Variants in TFRC observed in about 807,000 individuals in gnomAD.
TFRC encodes transferrin receptor protein 1.
Under a neutral mutation model 85.8 loss-of-function variants are expected in TFRC, and 35 were observed. That is an observed-to-expected ratio of 0.41 (90% CI 0.31 to 0.54). TFRC has a LOEUF of 0.54. Ranked by LOEUF, TFRC falls within the 20% of genes least tolerant of loss-of-function variation. The pLI is 0.31. For missense variants in TFRC, 828 were observed against 921.5 expected (o/e 0.90, Z 1.31); for synonymous variants, 362 against 328.6 (o/e 1.10, Z -1.10).
chr3:196,056,935 C>T lies in TFRC; in HGVS notation c.1677+1349G>A, dbSNP rs376476529. ...CTCCCAGGTTCAAGCGATTCTCCTGCCTCAGCCTCCTGAGTAGCTGGGGTT... is the reference window on the plus strand; with the variant it reads ...CTCCCAGGTTCAAGCGATTCTCCTGTCTCAGCCTCCTGAGTAGCTGGGGTT... On this transcript the variant is annotated intron_variant, in intron 16 of 18. Coordinates refer to ENST00000360110, the MANE Select transcript of TFRC (RefSeq NM_001128148.3). Among the ~76,000 whole-genome samples, 9 of 152,264 alleles carry T rather than the reference C, an allele frequency of 5.9e-5. No homozygotes were observed. The East Asian group carries it at 1.4e-3, about 23-fold the overall frequency.
chr3:196,052,332 CTT>C, intron 18 of TFRC, 148 bp from the exon 19 acceptor site: 2 of 903,478 alleles, frequency 2.2e-6, no homozygotes. Context: ...GAGTTTCGCT[CTT>C]GTTGCCCAGA....
Position 196,051,899 on chromosome 3 carries a change from C to G in TFRC, c.*43G>C, listed in dbSNP as rs1194978952. 1 of 1,592,772 alleles carries G rather than the reference C, an allele frequency of 6.3e-7. No homozygotes were observed. Among genetic ancestry groups the G allele is most frequent in the African/African-American group, 1.4e-5 (1 of 73,856 alleles). ...AGCACGATCAGCACAAGTCTAGAAA[C>G]CAGACTACCCTGCTGTTCTCATGGA... is the stretch of plus-strand genomic sequence containing the variant. On this transcript the variant is annotated 3_prime_UTR_variant, in exon 19 of 19. Coordinates refer to ENST00000360110, the MANE Select transcript of TFRC (RefSeq NM_001128148.3).
intron 17 of TFRC, among the ~76,000 whole-genome samples, chr3:196,054,496 T>A (rs944178573): frequency 2.0e-5 from 3 of 152,198 alleles, no homozygotes; most frequent in African/African-American, 7.2e-5. Flanking sequence ...CTGTTAAAAA[T>A]CAACTCCTAG....
chr3:196,053,921 A>T (rs1716553547), intron 17 of TFRC, among the ~76,000 whole-genome samples: 1 of 152,184 alleles, frequency 6.6e-6, no homozygotes, highest in South Asian at 2.1e-4. Flanking sequence ...TTCCATTTTC[A>T]ACAGTTACAA....
chr3:196,075,069 A>AAAT, intron 3 of TFRC, 90 bp downstream of exon 3: 3 of 967,184 alleles, frequency 3.1e-6, no homozygotes, highest in Non-Finnish European at 4.6e-6. Context: ...AAAAAAAATA[A>AAAT]GGTACAAAAT....
At chr3:196,058,665 C>A in intron 14 of TFRC, 33 bp from the exon 15 acceptor site, 2 of 1,523,834 alleles carry the variant, frequency 1.3e-6, no homozygotes, top group Non-Finnish European at 9.0e-7. Flanking sequence ...TAAAACTAAC[C>A]TTTTGGAACT....
intron 18 of TFRC, among the ~76,000 whole-genome samples, chr3:196,052,917 G>A (rs372753299): frequency 1.4e-4 from 21 of 151,986 alleles, no homozygotes; most frequent in Middle Eastern, 3.4e-3. Flanking sequence ...GTTCGAGACC[G>A]GCCTGGCTAA....
At chr3:196,068,372 C>T (rs1490559583) in intron 7 of TFRC, among the ~76,000 whole-genome samples, 1 of 148,876 alleles carries the variant, frequency 6.7e-6, no homozygotes. Context: ...CAACACCTTG[C>T]AAGGCTGAGG....
chr3:196,055,216 C>T lies in TFRC; in HGVS notation c.1763G>A (p.Arg588Gln), dbSNP rs754713292. ...ERIPELNKVARAAAEVAGQFV... is the reference protein window; with the variant it reads ...ERIPELNKVAQAAAEVAGQFV... ...CTGACCAGCGACCTCTGCAGCTGCT[C>T]GTGCCACTTTGTTCAACTCAGGAAT... is the stretch of plus-strand genomic sequence containing the variant. The change falls in exon 17 of 19, where the codon CGA becomes CAA. Residue 588 changes from arginine to glutamine, a missense_variant. Coordinates refer to ENST00000360110, the MANE Select transcript of TFRC (RefSeq NM_001128148.3). 1.6e-5 allele frequency: 26 copies of T among 1,614,054 alleles called. No homozygotes were observed. The East Asian group carries it at 4.0e-4, about 25-fold the overall frequency.
chr3:196,073,865 T>A (rs1718434305), intron 4 of TFRC, 65 bp downstream of exon 4: 1 of 1,489,810 alleles, frequency 6.7e-7, no homozygotes, highest in Non-Finnish European at 9.1e-7. Context: ...CATTATTGTT[T>A]CCCCGTGGCC....
At chr3:196,056,000 C>A (rs1172127545) in intron 16 of TFRC, among the ~76,000 whole-genome samples, 1 of 151,394 alleles carries the variant, frequency 6.6e-6, no homozygotes, top group Middle Eastern at 3.4e-3. Flanking sequence ...GACGAGGCCT[C>A]TCTCTGTCAC....
chr3:196,070,691 A>T (rs1169281520), intron 6 of TFRC, among the ~76,000 whole-genome samples: 2 of 151,382 alleles, frequency 1.3e-5, no homozygotes, highest in Non-Finnish European at 2.9e-5. Flanking sequence ...GCACTTTGGG[A>T]GGCTGAGGGT....
chr3:196,053,626 T>C (rs1227785329), intron 17 of TFRC, 68 bp from the exon 18 acceptor site: 6 of 1,582,230 alleles, frequency 3.8e-6, no homozygotes, highest in African/African-American at 1.4e-5. Context: ...GCCTTTCTAA[T>C]TTAACGTGCG....
At chr3:196,074,394 C>T (rs930633738) in intron 3 of TFRC, 13 of 272,854 alleles carry the variant, frequency 4.8e-5, no homozygotes, top group Non-Finnish European at 8.9e-5. Context: ...TGCTGCACCG[C>T]CAGTGTCCTG....
In TFRC at chr3:196,055,468, C is replaced by T. The variant is rs1716703037; in HGVS notation, c.1678-167G>A. On this transcript the variant is annotated intron_variant, in intron 16 of 18. Coordinates refer to ENST00000360110, the MANE Select transcript of TFRC (RefSeq NM_001128148.3). ...ATCTCATTATCTGCTGCTTTAAGTA[C>T]ATTCTTGCTACTTCTCTCAAGCTAA... 6.4e-6 allele frequency: 4 copies of T among 627,196 alleles called. No individual in the cohort carries two copies. The South Asian group carries it at 7.6e-5, about 12-fold the overall frequency. 38.9% of individuals were successfully genotyped at this position (627,196 alleles called of 1,614,324 possible). A position where few individuals can be genotyped will look rare whatever the true frequency, so the allele number is the denominator to read the frequency against.
intron 14 of TFRC, chr3:196,059,002 TA>T (rs902468106): frequency 2.2e-3 from 301 of 139,110 alleles, no homozygotes; most frequent in Non-Finnish European, 2.3e-3. Flanking sequence ...CTTTATCTCT[TA>T]AAAAAAAAAA....
intron 1 of TFRC, among the ~76,000 whole-genome samples, chr3:196,080,894 T>C (rs1719115752): frequency 6.6e-6 from 1 of 152,184 alleles, no homozygotes; most frequent in Admixed American, 6.5e-5. Context: ...CTAACCTTAA[T>C]TTTCACAGTA....
At chr3:196,071,928 A>AAT in intron 5 of TFRC, 75 bp downstream of exon 5, 1 of 1,526,326 alleles carries the variant, frequency 6.6e-7, no homozygotes, top group Non-Finnish European at 8.8e-7. Flanking sequence ...AACACTAACA[A>AAT]AAAGTCTTTG....
At position 196,069,516 on chromosome 3, in the gene TFRC, T is replaced by C. The variant is rs767819270; in HGVS notation, c.740A>G (p.Tyr247Cys). The change falls in exon 7 of 19, where the codon TAC becomes TGC. Residue 247 changes from tyrosine (Y) to cysteine (C), a missense_variant. Physicochemically the swap from Tyr to Cys is radical, Grantham distance 194 (BLOSUM62 -2). Coordinates refer to ENST00000360110, the MANE Select transcript of TFRC (RefSeq NM_001128148.3). The stretch of plus-strand genomic sequence containing the variant: ...CACTATAGATCCATTCACAGGAGTG[T>C]ATAAATCCTCAAAATCTTTTTTAGT... ...FGTKKDFEDL[Y>C]TPVNGSIVIV... The C allele has an allele frequency of 3.3e-5, 53 of 1,613,688 alleles. No homozygotes were observed. The highest frequency in any genetic ancestry group is 4.4e-5 in the Non-Finnish European group (52 of 1,179,750).
Sources: gnomAD v4.1 joint callset for allele counts (sites outside exome capture counted in the v4.1 genomes callset) on GRCh38, gnomAD v4.1.1 for gene constraint, MANE v1.5 for transcripts, NCBI Gene and HGNC (gene_info 2026-07-23, HGNC 2026-07-21) for gene names.